The following AGBL1 variants were observed in gnomAD, a reference collection of about 807,000 sequenced individuals.
AGBL1 encodes cytosolic carboxypeptidase 4.
Under a neutral mutation model 118.9 loss-of-function variants are expected in AGBL1, and 130 were observed. That is an observed-to-expected ratio of 1.09 (90% confidence interval 0.95 to 1.26). The LOEUF is 1.26. Among genes scored for constraint, AGBL1 ranks in the 50% most tolerant of loss-of-function variants. The pLI, the probability that AGBL1 is intolerant of heterozygous loss-of-function variation, is 0.00. For missense variants in AGBL1, 1,584 were observed against 1,298.1 expected, an observed-to-expected ratio of 1.22 and a Z score of -3.38; for synonymous variants, 555 against 478.9, an observed-to-expected ratio of 1.16 and a Z score of -2.08.
intron 22 of AGBL1, among the ~76,000 whole-genome samples, chr15:86,799,344 A>T (rs2078618455): frequency 1.3e-5 from 2 of 152,070 alleles, no homozygotes. Flanking sequence ...ACATTAAATA[A>T]ATCTATCCTT....
At chr15:86,549,977 T>C in intron 20 of AGBL1, among the ~76,000 whole-genome samples, 2 of 151,930 alleles carry the variant, frequency 1.3e-5, no homozygotes, top group East Asian at 3.9e-4. Context: ...CTAGGTGGGA[T>C]TGTCAGCAGA....
intron 23 of AGBL1, among the ~76,000 whole-genome samples, chr15:86,946,946 C>T (rs553726929): frequency 6.6e-6 from 1 of 152,008 alleles, no homozygotes; most frequent in African/African-American, 2.4e-5. Flanking sequence ...ATGTCCCCTG[C>T]CCATTACTCA....
intron 1 of AGBL1, among the ~76,000 whole-genome samples, chr15:86,098,196 T>C (rs1463807507): frequency 1.3e-5 from 2 of 152,004 alleles, no homozygotes; most frequent in African/African-American, 2.4e-5. Context: ...GAGTTCCTTG[T>C]ATATTCTGGA....
chr15:86,674,161 TCTCA>T (rs2085794445), intron 21 of AGBL1, 108 bp from the exon 22 acceptor site: 1 of 1,001,262 alleles, frequency 1.0e-6, no homozygotes, highest in Non-Finnish European at 1.5e-6. Flanking sequence ...TACAATTAAT[TCTCA>T]CTGTCTGAAA....
At chr15:86,405,078 G>A (rs948937805) in intron 18 of AGBL1, among the ~76,000 whole-genome samples, 1 of 152,176 alleles carries the variant, frequency 6.6e-6, no homozygotes, top group African/African-American at 2.4e-5. Flanking sequence ...GAGACAAGTG[G>A]CCTCTTGAGA....
At position 86,250,403 on chromosome 15, in the gene AGBL1, G is replaced by A. The variant is rs111391802; in HGVS notation, c.735+2524G>A. 9.6e-4 allele frequency among the ~76,000 whole-genome samples: 146 copies of A among 151,528 alleles called. 1 individual carries two copies. Among genetic ancestry groups the A allele is most frequent in the African/African-American group, 3.4e-3 (140 of 41,346 alleles). On this transcript the variant is annotated intron_variant, in intron 7 of 22. Transcript: ENST00000614907. ...TAGCCGGGCGTGGTAGCATGTGTCC[G>A]TAATCCCAGCTACTCAGGAGGCTGA...
chr15:86,739,433 A>C (rs1326967267), intron 22 of AGBL1, among the ~76,000 whole-genome samples: 39 of 137,562 alleles, frequency 2.8e-4, no homozygotes, highest in African/African-American at 1.1e-3. Flanking sequence ...ACAAGAGCGA[A>C]ACTCCATCTC....
chr15:86,310,566 C>T (rs1271744313), intron 17 of AGBL1, among the ~76,000 whole-genome samples: 1 of 151,774 alleles, frequency 6.6e-6, no homozygotes, highest in Non-Finnish European at 1.5e-5. Flanking sequence ...CAAGGGTCAG[C>T]CTGGTGCAGG....
At chr15:86,736,521 G>T (rs367564991) in intron 22 of AGBL1, among the ~76,000 whole-genome samples, 1 of 152,138 alleles carries the variant, frequency 6.6e-6, no homozygotes, top group Non-Finnish European at 1.5e-5. Context: ...GGAAACAGAC[G>T]TAGAGAACTT....
Position 86,518,334 on chromosome 15 carries a change from A to T in AGBL1, c.2556-4476A>T, listed in dbSNP as rs765957213. ...TCTCAGTAGATAAACGAGATCCACAATTAATGTTAAAAGAATTATTTTTCG... is the reference window on the plus strand; with the variant it reads ...TCTCAGTAGATAAACGAGATCCACATTTAATGTTAAAAGAATTATTTTTCG... On this transcript the variant is annotated intron_variant, in intron 18 of 22. Transcript: ENST00000614907. Among the ~76,000 whole-genome samples the T allele has an allele frequency of 2.0e-5, 3 of 151,248 alleles. No homozygotes were observed. In the East Asian group the frequency reaches 5.8e-4, roughly 29 times the overall value.
intron 1 of AGBL1, among the ~76,000 whole-genome samples, chr15:86,117,220 C>T (rs1475089136): frequency 6.6e-6 from 1 of 152,106 alleles, no homozygotes; most frequent in Non-Finnish European, 1.5e-5. Context: ...CTTGAGAACA[C>T]CCCGGGCTCT....
chr15:86,840,667 C>T (rs752801496), intron 22 of AGBL1, among the ~76,000 whole-genome samples: 6 of 152,064 alleles, frequency 3.9e-5, no homozygotes, highest in East Asian at 3.9e-4. Flanking sequence ...CTCAAACTCC[C>T]GACCTCAGGT....
At chr15:86,766,648 A>G (rs1458038643) in intron 22 of AGBL1, among the ~76,000 whole-genome samples, 2 of 151,840 alleles carry the variant, frequency 1.3e-5, no homozygotes, top group African/African-American at 4.8e-5. Flanking sequence ...CCATTTGTCC[A>G]TTTATTCTTT....
Position 86,266,397 on chromosome 15 carries a change from G to C in AGBL1, c.1691G>C (p.Arg564Pro), listed in dbSNP as rs750596858. ...AGGATCAGGATATTTGAGGATATTC[G>C]GAGGCTCATCCAGCCAAGTGATGTT... ...VQRIRIFEDI[R>P]RLIQPSDVIN... Residue 564 changes from arginine to proline, a missense_variant, in exon 12 of 23, where the codon CGG (arginine) becomes CCG (proline). Transcript: ENST00000614907. The C allele has an allele frequency of 3.8e-6, 6 of 1,580,014 alleles. No homozygotes were observed. The highest frequency in any genetic ancestry group is 1.8e-5 in the Admixed American group (1 of 54,970).
In AGBL1 at chr15:86,357,162, G is replaced by A. The variant is rs113033243; in HGVS notation, c.2375-40204G>A. Among the ~76,000 whole-genome samples, 1,431 of 152,246 alleles carry A rather than the reference G, an allele frequency of 9.4e-3. 8 individuals are homozygous for A. The highest frequency in any genetic ancestry group is 0.037 in the Middle Eastern group (11 of 294). ...CAGGGAGTCATGTATGTAAAAGAGG[G>A]ATTTACTTAAATCCCTGTGGTCCTA... On this transcript the variant is annotated intron_variant, in intron 17 of 22. Coordinates refer to ENST00000614907, the MANE Select transcript of AGBL1 (RefSeq NM_001386094.1).
chr15:86,562,099 A>G (rs1219370781), intron 21 of AGBL1, among the ~76,000 whole-genome samples: 1 of 152,196 alleles, frequency 6.6e-6, no homozygotes, highest in African/African-American at 2.4e-5. Context: ...GTCATCTGCA[A>G]ACAGGGACAA....
At chr15:86,184,442 T>TC (rs1395155466) in intron 5 of AGBL1, among the ~76,000 whole-genome samples, 1 of 151,592 alleles carries the variant, frequency 6.6e-6, no homozygotes, top group African/African-American at 2.4e-5. Context: ...TCTTTTTTTT[T>TC]TTTTTTGTCT....
intron 1 of AGBL1, among the ~76,000 whole-genome samples, chr15:86,134,827 A>G (rs899382672): frequency 6.6e-6 from 1 of 151,384 alleles, no homozygotes; most frequent in Non-Finnish European, 1.5e-5. Context: ...GTTGGCCAGG[A>G]TGGTCTCGAT....
intron 22 of AGBL1, among the ~76,000 whole-genome samples, chr15:86,842,467 C>A (rs575689254): frequency 3.9e-5 from 6 of 152,176 alleles, no homozygotes; most frequent in African/African-American, 7.2e-5. Flanking sequence ...TCTTCCATTT[C>A]TATTTCAGTG....
Sources: allele counts gnomAD v4.1 joint callset (sites outside exome capture counted in the v4.1 genomes callset), GRCh38; gene constraint gnomAD v4.1.1; transcripts MANE v1.5; gene names NCBI Gene and HGNC (gene_info 2026-07-23, HGNC 2026-07-21).